The following AKAIN1 variants were observed in gnomAD, a reference collection of about 807,000 sequenced individuals.
AKAIN1 encodes A-kinase anchor protein inhibitor 1.
A neutral mutation model predicts 3.7 loss-of-function variants in AKAIN1; 3 were observed. The observed-to-expected ratio is 0.82, with a 90% CI of 0.37 to 2.12. The LOEUF is 2.12. AKAIN1 is among the 30% of genes most tolerant of loss of function. The probability of loss-of-function intolerance (pLI) is 0.06; values close to 1 mark genes in which losing one functional copy is unlikely to be tolerated. For missense variants in AKAIN1, 82 were observed against 82.7 expected (o/e 0.99, Z 0.03); for synonymous variants, 31 against 30.8 (o/e 1.01, Z -0.02).
intron 1 of AKAIN1, among the ~76,000 whole-genome samples, chr18:5,162,629 T>C (rs426274): frequency 2.2e-3 from 59 of 27,206 alleles, no homozygotes; most frequent in African/African-American, 0.01. Flanking sequence ...GTGATGCGTG[T>C]GTGTGTGTGT....
At chr18:5,163,420 T>C (rs1478613439) in intron 1 of AKAIN1, among the ~76,000 whole-genome samples, 2 of 152,092 alleles carry the variant, frequency 1.3e-5, no homozygotes, top group African/African-American at 4.8e-5. Context: ...ATATTGAATG[T>C]AACAAAGCAC....
At chr18:5,166,712 G>A (rs1435949955) in intron 1 of AKAIN1, among the ~76,000 whole-genome samples, 1 of 152,058 alleles carries the variant, frequency 6.6e-6, no homozygotes, top group African/African-American at 2.4e-5. Context: ...ACTCAATAAG[G>A]CATTTGAAAC....
chr18:5,187,677 T>TA (rs2071295341), intron 1 of AKAIN1, among the ~76,000 whole-genome samples: 1 of 152,164 alleles, frequency 6.6e-6, no homozygotes, highest in African/African-American at 2.4e-5. Flanking sequence ...ATGTGGTTGT[T>TA]ACAATGGCAG....
rs1461010781 is a variant in AKAIN1 at position 5,144,309 on chromosome 18, G to C, written c.*1253C>G. On this transcript the variant is annotated 3_prime_UTR_variant, in exon 2 of 2. Coordinates refer to ENST00000434239, the MANE Select transcript of AKAIN1 (RefSeq NM_001145194.2). ...TAAAAAAAAATCAAATGTAGATATT[G>C]ATACTCTGAAACTAGAAGGTTTTTA... 6.6e-6 allele frequency among the ~76,000 whole-genome samples: 1 copy of C among 152,064 alleles called. No individual in the cohort carries two copies. Among genetic ancestry groups the C allele is most frequent in the Non-Finnish European group, 1.5e-5 (1 of 68,012 alleles).
chr18:5,193,891 T>C (rs989309678), intron 1 of AKAIN1, among the ~76,000 whole-genome samples: 2 of 152,182 alleles, frequency 1.3e-5, no homozygotes, highest in Non-Finnish European at 2.9e-5. Flanking sequence ...TATTTCTCCA[T>C]ATTGGTTGTG....
chr18:5,189,057 G>A (rs962993533), intron 1 of AKAIN1, among the ~76,000 whole-genome samples: 11 of 152,168 alleles, frequency 7.2e-5, no homozygotes, highest in Admixed American at 2.0e-4. Context: ...AGAGCAGCAG[G>A]TAGAGCTACA....
intron 1 of AKAIN1, among the ~76,000 whole-genome samples, chr18:5,151,766 G>C (rs2071081396): frequency 6.6e-6 from 1 of 152,080 alleles, no homozygotes; most frequent in African/African-American, 2.4e-5. Context: ...AAACATCCTA[G>C]ACAACAAGAT....
At chr18:5,170,047 T>G (rs929760198) in intron 1 of AKAIN1, among the ~76,000 whole-genome samples, 4 of 152,168 alleles carry the variant, frequency 2.6e-5, no homozygotes, top group African/African-American at 7.2e-5. Context: ...TTCACACATT[T>G]GGGATATTCA....
In AKAIN1 at chr18:5,143,574, T is replaced by A. The variant is rs2071032656; in HGVS notation, c.*1988A>T. Among the ~76,000 whole-genome samples, 1 of 152,208 alleles carries A rather than the reference T, an allele frequency of 6.6e-6. No individual in the cohort carries two copies. On this transcript the variant is annotated 3_prime_UTR_variant, in exon 2 of 2. Coordinates refer to ENST00000434239, the MANE Select transcript of AKAIN1 (RefSeq NM_001145194.2). ...AAGGAAGCACTTCCCCTGGTCATGA[T>A]ATCTAGGGGTTTGAAAATAGCCTTG...
intron 1 of AKAIN1, among the ~76,000 whole-genome samples, chr18:5,157,178 G>A (rs898070554): frequency 6.6e-6 from 1 of 152,088 alleles, no homozygotes; most frequent in Non-Finnish European, 1.5e-5. Flanking sequence ...AGTCACACAC[G>A]GGATTAGATC....
intron 1 of AKAIN1, among the ~76,000 whole-genome samples, chr18:5,188,804 C>T (rs1403304076): frequency 6.6e-6 from 1 of 152,074 alleles, no homozygotes; most frequent in African/African-American, 2.4e-5. Context: ...CAATATAAAC[C>T]CCTCATTTTG....
At chr18:5,162,859 G>T (rs1276314164) in intron 1 of AKAIN1, among the ~76,000 whole-genome samples, 1 of 151,844 alleles carries the variant, frequency 6.6e-6, no homozygotes, top group Admixed American at 6.6e-5. Context: ...GAAAGGTCAG[G>T]TCTAAGTGAT....
rs566613877 is a variant in AKAIN1, at chr18:5,186,315, C to T, written c.16+10723G>A. 2.0e-3 allele frequency among the ~76,000 whole-genome samples: 298 copies of T among 152,000 alleles called. 2 individuals are homozygous for T. The highest frequency in any genetic ancestry group is 3.7e-3 in the Non-Finnish European group (252 of 67,960). The stretch of plus-strand genomic sequence containing the variant: ...GGCAAAATAATCCGTACACCAAACC[C>T]CTGTGAAATGCAGTTTACCTGTGTA... On this transcript the variant is annotated intron_variant, in intron 1 of 1. Transcript: ENST00000434239.
intron 1 of AKAIN1, among the ~76,000 whole-genome samples, chr18:5,195,738 C>A (rs1369520054): frequency 6.6e-6 from 1 of 152,150 alleles, no homozygotes; most frequent in Non-Finnish European, 1.5e-5. Context: ...TGTATAAATG[C>A]AGCAAAGAGC....
chr18:5,161,522 T>C (rs558051592), intron 1 of AKAIN1, among the ~76,000 whole-genome samples: 6 of 152,248 alleles, frequency 3.9e-5, no homozygotes, highest in Admixed American at 1.3e-4. Context: ...TATTTATTTA[T>C]TTACTTACTT....
intron 1 of AKAIN1, among the ~76,000 whole-genome samples, chr18:5,167,972 C>T (rs2071176110): frequency 6.6e-6 from 1 of 151,906 alleles, no homozygotes; most frequent in African/African-American, 2.4e-5. Flanking sequence ...ATCTTGTTTC[C>T]CCTAAATGCA....
chr18:5,170,906 A>T (rs1039496153), intron 1 of AKAIN1: 2 of 152,128 alleles, frequency 1.3e-5, no homozygotes, highest in African/African-American at 4.8e-5. Context: ...AATCAACAGA[A>T]CCCAGCTAAG....
At chr18:5,190,092 C>A (rs1226635487) in intron 1 of AKAIN1, among the ~76,000 whole-genome samples, 1 of 152,160 alleles carries the variant, frequency 6.6e-6, no homozygotes, top group South Asian at 2.1e-4. Context: ...AAGGCAAAAG[C>A]AAGCATGTGA....
At chr18:5,197,359 G>T, upstream of AKAIN1, 1 of 1,267,238 alleles carries the variant, frequency 7.9e-7, no homozygotes, top group Non-Finnish European at 1.0e-6. The surrounding 1 kb of genome is among the most constrained non-coding windows in gnomAD (Gnocchi z 6.9). Flanking sequence ...AGGGAGCAAA[G>T]CACTTCCACC....
Sources: allele counts gnomAD v4.1 joint callset (sites outside exome capture counted in the v4.1 genomes callset), GRCh38; gene constraint gnomAD v4.1.1; non-coding constraint Gnocchi (gnomAD v3.1); transcripts MANE v1.5; gene names NCBI Gene and HGNC (gene_info 2026-07-23, HGNC 2026-07-21).